TMEM132C: variants seen among roughly 807,000 people sequenced by gnomAD.
The protein encoded by TMEM132C is transmembrane protein 132C.
A neutral mutation model predicts 61.4 loss-of-function variants in TMEM132C; 29 were observed. That is an observed-to-expected ratio of 0.47 (90% CI 0.35 to 0.64). The LOEUF is 0.64. Ranked by LOEUF, TMEM132C falls within the 30% of genes least tolerant of loss-of-function variation. The probability of loss-of-function intolerance (pLI) is 0.00; values close to 1 mark genes in which losing one functional copy is unlikely to be tolerated. For missense variants in TMEM132C, 1,408 were observed against 1,476.9 expected, an observed-to-expected ratio of 0.95 and a Z score of 0.76; for synonymous variants, 656 against 633.1, an observed-to-expected ratio of 1.04 and a Z score of -0.54.
rs113503516 is a variant in TMEM132C, at chr12:128,695,942, G to A, written c.1768G>A (p.Ala590Thr). ...CCTCACCCAGTTTGTGTCTGAGGGCGCCGGTCCATGGGGCCAGCCGAACTA... is the reference window on the plus strand; with the variant it reads ...CCTCACCCAGTTTGTGTCTGAGGGCACCGGTCCATGGGGCCAGCCGAACTA... ...RVLTQFVSEG[A>T]GPWGQPNYLL... Residue 590 changes from alanine to threonine, a missense_variant, in exon 7 of 9, where the codon GCC (alanine) becomes ACC (threonine). By Grantham distance (58) the Ala-to-Thr change is moderately conservative. Coordinates refer to ENST00000435159, the MANE Select transcript of TMEM132C (RefSeq NM_001136103.3). The A allele has an allele frequency of 1.5e-4, 231 of 1,551,756 alleles. No individual in the cohort carries two copies. Among genetic ancestry groups the A allele is most frequent in the African/African-American group, 1.5e-3 (108 of 73,184 alleles).
chr12:128,340,834 T>A (rs1872940170), intron 1 of TMEM132C, among the ~76,000 whole-genome samples: 1 of 142,358 alleles, frequency 7.0e-6, no homozygotes, highest in African/African-American at 3.0e-5. Context: ...TGTCTTTCTC[T>A]CTCTCTCTTT....
At chr12:128,651,085 C>A (rs1954264112) in intron 4 of TMEM132C, among the ~76,000 whole-genome samples, 1 of 152,316 alleles carries the variant, frequency 6.6e-6, no homozygotes, top group East Asian at 1.9e-4. Context: ...TCCACCATTC[C>A]ATCAGGGAGT....
intron 1 of TMEM132C, chr12:128,400,030 A>G (rs765755129): frequency 6.6e-6 from 1 of 152,114 alleles, no homozygotes; most frequent in Non-Finnish European, 1.5e-5. Flanking sequence ...TAGTATGCTG[A>G]CTCCTTCTTT....
At chr12:128,417,586 C>T (rs1218917752) in intron 2 of TMEM132C, among the ~76,000 whole-genome samples, 1 of 152,174 alleles carries the variant, frequency 6.6e-6, no homozygotes, top group Non-Finnish European at 1.5e-5. Flanking sequence ...GTTAACTAAC[C>T]TCTGTGTGCC....
At chr12:128,505,977 G>A (rs187599565) in intron 2 of TMEM132C, among the ~76,000 whole-genome samples, 1 of 152,200 alleles carries the variant, frequency 6.6e-6, no homozygotes, top group Non-Finnish European at 1.5e-5. Context: ...GTGTTCTGCT[G>A]CATGTAACTG....
Position 128,697,277 on chromosome 12 carries a change from A to T in TMEM132C, c.1983A>T (p.Leu661=). Residue 661 remains leucine, a synonymous_variant, in exon 8 of 9, where the codon CTA becomes CTT. Coordinates refer to ENST00000435159, the MANE Select transcript of TMEM132C (RefSeq NM_001136103.3). ...TGGCAGAGAAGACAATAACCGTGCT[A>T]GATGACAAAGTATCGGTGACAGACT... The part of the protein sequence containing the change: ...SILAEKTITV[L]DDKVSVTDLA... 6.5e-7 allele frequency: 1 copy of T among 1,548,524 alleles called. No individual in the cohort carries two copies.
intron 4 of TMEM132C, among the ~76,000 whole-genome samples, chr12:128,641,917 C>T (rs1031158192): frequency 1.3e-5 from 2 of 151,802 alleles, no homozygotes; most frequent in Non-Finnish European, 2.9e-5. Flanking sequence ...GCCTCTGCCT[C>T]CCCAGTAGCT....
chr12:128,607,217 T>C (rs1423106600), intron 3 of TMEM132C, among the ~76,000 whole-genome samples: 1 of 152,140 alleles, frequency 6.6e-6, no homozygotes, highest in Non-Finnish European at 1.5e-5. Context: ...GGAATGTTCC[T>C]GGAGTGTTTG....
chr12:128,330,047 T>G (rs1258463630), intron 1 of TMEM132C, among the ~76,000 whole-genome samples: 1 of 152,166 alleles, frequency 6.6e-6, no homozygotes. Flanking sequence ...TCATTCTGGT[T>G]ATGTCTGCAC....
intron 3 of TMEM132C, among the ~76,000 whole-genome samples, chr12:128,587,321 G>A (rs900168387): frequency 1.3e-5 from 2 of 152,112 alleles, no homozygotes; most frequent in Admixed American, 6.5e-5. Flanking sequence ...ATCCGGTGAG[G>A]GCTCCCTTCC....
rs986281555 is a variant in TMEM132C, at chr12:128,703,930, C to T, written c.2122-1160C>T. Among the ~76,000 whole-genome samples, 5 of 152,194 alleles carry T rather than the reference C, an allele frequency of 3.3e-5. No homozygotes were observed. In the South Asian group the frequency reaches 1.0e-3, roughly 31 times the overall value. On this transcript the variant is annotated intron_variant, in intron 8 of 8. Coordinates refer to ENST00000435159, the MANE Select transcript of TMEM132C (RefSeq NM_001136103.3). ...CCTCCTCTATTCATGGGAGTTCCCA[C>T]TCTTGGAAGCAGAATAGAAGTACCC...
At chr12:128,547,565 CAAAAAA>C (rs34135152) in intron 3 of TMEM132C, among the ~76,000 whole-genome samples, 2 of 67,620 alleles carry the variant, frequency 3.0e-5, no homozygotes, top group African/African-American at 9.6e-5. Context: ...CTCTGTCTCA[CAAAAAA>C]AAAAAAAAAA....
intron 2 of TMEM132C, among the ~76,000 whole-genome samples, chr12:128,436,297 A>C (rs1361809358): frequency 2.0e-5 from 3 of 152,342 alleles, no homozygotes; most frequent in African/African-American, 7.2e-5. Context: ...AAATAGACAA[A>C]TGGGATCTAA....
chr12:128,323,470 C>A (rs995633047), intron 1 of TMEM132C, among the ~76,000 whole-genome samples: 3 of 152,256 alleles, frequency 2.0e-5, no homozygotes, highest in African/African-American at 7.2e-5. Context: ...GTCTTCTCTT[C>A]ATAGCCTTGC....
intron 2 of TMEM132C, among the ~76,000 whole-genome samples, chr12:128,497,275 G>A (rs1871998328): frequency 6.6e-6 from 1 of 152,236 alleles, no homozygotes; most frequent in Admixed American, 6.5e-5. Context: ...GCTACTCGGG[G>A]TCAGGGACCC....
intron 2 of TMEM132C, among the ~76,000 whole-genome samples, chr12:128,491,818 C>T (rs1052391103): frequency 1.3e-5 from 2 of 151,734 alleles, no homozygotes; most frequent in Non-Finnish European, 2.9e-5. Flanking sequence ...CTCTTATGGA[C>T]CACTTGCCAG....
intron 1 of TMEM132C, among the ~76,000 whole-genome samples, chr12:128,380,725 A>G (rs1026388596): frequency 8.5e-5 from 13 of 152,252 alleles, no homozygotes; most frequent in Admixed American, 7.2e-4. Flanking sequence ...TGCCTGGGCA[A>G]CACAGCAAGA....
At chr12:128,472,024 G>T (rs573476698) in intron 2 of TMEM132C, among the ~76,000 whole-genome samples, 1 of 152,124 alleles carries the variant, frequency 6.6e-6, no homozygotes, top group Non-Finnish European at 1.5e-5. Context: ...GTAGTTTAGG[G>T]TTACGCAGAT....
At chr12:128,518,748 G>A (rs928089416) in intron 2 of TMEM132C, among the ~76,000 whole-genome samples, 6 of 151,950 alleles carry the variant, frequency 3.9e-5, no homozygotes, top group African/African-American at 4.8e-5. Flanking sequence ...GTGTGCGTGT[G>A]TGTGTGTGGT....
Sources: allele counts gnomAD v4.1 joint callset (sites outside exome capture counted in the v4.1 genomes callset), GRCh38; gene constraint gnomAD v4.1.1; transcripts MANE v1.5; gene names NCBI Gene and HGNC (gene_info 2026-07-23, HGNC 2026-07-21).